Variants in L3MBTL4 observed in about 807,000 individuals in gnomAD.
L3MBTL4 encodes the protein lethal(3)malignant brain tumor-like protein 4.
In L3MBTL4, 70 loss-of-function variants were observed where a neutral mutation model predicts 84.5. That is an observed-to-expected ratio of 0.83 (90% CI 0.68 to 1.01). The LOEUF (loss-of-function observed/expected upper bound fraction) is 1.01. L3MBTL4 is among the 50% of genes least tolerant of loss of function. The pLI is 0.00. For synonymous variants in L3MBTL4, 274 were observed against 259.8 expected, an observed-to-expected ratio of 1.05 and a Z score of -0.52; for missense variants, 715 against 754.8, an observed-to-expected ratio of 0.95 and a Z score of 0.62.
intron 16 of L3MBTL4, chr18:6,030,509 T>G (rs2055738246): frequency 1.0e-6 from 1 of 968,162 alleles, no homozygotes; most frequent in Non-Finnish European, 1.2e-6. Context: ...CTCTTTTTTT[T>G]TTTTTTGGAG....
At chr18:6,369,519 TC>T (rs1407806967) in intron 1 of L3MBTL4, among the ~76,000 whole-genome samples, 4 of 152,056 alleles carry the variant, frequency 2.6e-5, no homozygotes, top group Non-Finnish European at 4.4e-5. Context: ...AAGGGATCAC[TC>T]TATACAAGGG....
chr18:5,974,422 T>C (rs1598330643), intron 16 of L3MBTL4, among the ~76,000 whole-genome samples: 1 of 80,876 alleles, frequency 1.2e-5, no homozygotes, highest in South Asian at 3.9e-4. Context: ...GCCCTTCCTA[T>C]AGAGGCAATA....
In L3MBTL4 at chr18:6,244,592, CA is replaced by C; in HGVS notation, c.220-5del. On this transcript the variant is annotated splice_polypyrimidine_tract_variant and splice_region_variant and intron_variant, in intron 5 of 18. Transcript: ENST00000317931. ...CATGCTCTGGAAAGGACTGATCCTA[CA>C]AAATTTCACGACATAACATTAGCCA... 1 of 1,592,442 alleles carries C rather than the reference CA, an allele frequency of 6.3e-7. No individual in the cohort carries two copies. The highest frequency in any genetic ancestry group is 8.6e-7 in the Non-Finnish European group (1 of 1,161,028).
chr18:6,285,519 T>C (rs563867644), intron 4 of L3MBTL4, among the ~76,000 whole-genome samples: 4 of 150,854 alleles, frequency 2.7e-5, no homozygotes, highest in African/African-American at 7.4e-5. Flanking sequence ...TTTGTAAGTA[T>C]ATGTGAAAGT....
intron 9 of L3MBTL4, 134 bp from the exon 10 acceptor site, chr18:6,238,174 A>ATTTTCAGTACTGCATTAGTAGGCT (rs1185262223): frequency 3.9e-6 from 3 of 763,516 alleles, no homozygotes; most frequent in Non-Finnish European, 6.8e-6. Flanking sequence ...ATTAGAAGGA[A>ATTTTCAGTACTGCATTAGTAGGCT]TTTTCAGTAC....
chr18:6,205,075 C>A (rs2045814593), intron 12 of L3MBTL4, among the ~76,000 whole-genome samples: 1 of 152,170 alleles, frequency 6.6e-6, no homozygotes. Context: ...CATGGCAAGG[C>A]AGATTTTTGC....
chr18:6,378,120 T>C (rs1009753042), intron 1 of L3MBTL4, among the ~76,000 whole-genome samples: 17 of 152,372 alleles, frequency 1.1e-4, no homozygotes, highest in African/African-American at 4.1e-4. Context: ...TGGCTTCTTT[T>C]GAGAAGTGTC....
intron 4 of L3MBTL4, among the ~76,000 whole-genome samples, chr18:6,279,132 T>C (rs1465921986): frequency 2.0e-5 from 3 of 151,856 alleles, no homozygotes; most frequent in Non-Finnish European, 4.4e-5. Flanking sequence ...AGAAACAAGA[T>C]GATAACAAAA....
intron 16 of L3MBTL4, among the ~76,000 whole-genome samples, chr18:6,080,530 G>A (rs749810336): frequency 2.1e-4 from 32 of 152,306 alleles, no homozygotes; most frequent in Non-Finnish European, 4.0e-4. Flanking sequence ...ACCTTCACAA[G>A]TTCAGTGAGA....
intron 16 of L3MBTL4, among the ~76,000 whole-genome samples, chr18:6,021,639 G>A (rs1598457428): frequency 6.6e-6 from 1 of 152,278 alleles, no homozygotes; most frequent in African/African-American, 2.4e-5. Context: ...TGAGGAGTGC[G>A]CAAAAGGGAA....
At chr18:5,970,552 A>C (rs1255534505) in intron 16 of L3MBTL4, among the ~76,000 whole-genome samples, 1 of 152,242 alleles carries the variant, frequency 6.6e-6, no homozygotes, top group East Asian at 1.9e-4. Flanking sequence ...CAATGCCTTT[A>C]TAAGGACATC....
chr18:6,057,035 T>C (rs932448827), intron 16 of L3MBTL4, among the ~76,000 whole-genome samples: 3 of 152,110 alleles, frequency 2.0e-5, no homozygotes, highest in African/African-American at 7.2e-5. Flanking sequence ...TTCTTTCTTT[T>C]TCTTTTTTTT....
intron 1 of L3MBTL4, among the ~76,000 whole-genome samples, chr18:6,406,921 T>C (rs951620485): frequency 5.3e-5 from 8 of 152,224 alleles, no homozygotes; most frequent in Admixed American, 2.0e-4. Flanking sequence ...TTCTAGGATC[T>C]TGAAAGACAA....
At chr18:5,988,667 T>TA (rs11430173) in intron 16 of L3MBTL4, among the ~76,000 whole-genome samples, 25,913 of 152,042 alleles carry the variant, frequency 0.17, 3,407 homozygotes, top group African/African-American at 0.36. Flanking sequence ...TATATGCATT[T>TA]AAAAAAATCA....
intron 16 of L3MBTL4, among the ~76,000 whole-genome samples, chr18:6,053,657 C>A (rs2056914753): frequency 6.6e-6 from 1 of 152,198 alleles, no homozygotes; most frequent in Admixed American, 6.5e-5. Context: ...GCCCTCCTTT[C>A]CCCTTTAAAA....
intron 16 of L3MBTL4, among the ~76,000 whole-genome samples, chr18:6,055,491 T>G (rs2056989644): frequency 6.9e-6 from 1 of 145,550 alleles, no homozygotes; most frequent in Non-Finnish European, 1.5e-5. Context: ...AAGGCACAGA[T>G]TGATTGATTG....
At chr18:6,228,025 C>T (rs894485386) in intron 10 of L3MBTL4, among the ~76,000 whole-genome samples, 2 of 152,036 alleles carry the variant, frequency 1.3e-5, no homozygotes, top group South Asian at 2.1e-4. Context: ...TACAGGCCAC[C>T]GTAAAGCTAT....
intron 16 of L3MBTL4, among the ~76,000 whole-genome samples, chr18:6,015,233 G>C (rs2054912110): frequency 6.6e-6 from 1 of 151,992 alleles, no homozygotes; most frequent in African/African-American, 2.4e-5. Flanking sequence ...GTGTAGAGAA[G>C]ACATAAGGTC....
In L3MBTL4 at chr18:6,333,340, T is replaced by G. The variant is rs2052142530; in HGVS notation, c.-90-21284A>C. 1.3e-5 allele frequency among the ~76,000 whole-genome samples: 2 copies of G among 152,090 alleles called. 1 individual carries two copies. Among genetic ancestry groups the G allele is most frequent in the African/African-American group, 4.8e-5 (2 of 41,428 alleles). ...CTGTAATCCCAACACTTTGGGAGGC[T>G]GAGGCGGGCAGATCACGAGGTCAAG... On this transcript the variant is annotated intron_variant, in intron 1 of 18. Coordinates refer to ENST00000317931, the MANE Select transcript of L3MBTL4 (RefSeq NM_001330559.2).
Sources: allele counts gnomAD v4.1 joint callset (sites outside exome capture counted in the v4.1 genomes callset), GRCh38; gene constraint gnomAD v4.1.1; transcripts MANE v1.5; gene names NCBI Gene and HGNC (gene_info 2026-07-23, HGNC 2026-07-21).